CACNA1E: variants seen among roughly 807,000 people sequenced by gnomAD.
The protein encoded by CACNA1E is voltage-dependent R-type calcium channel subunit alpha-1E.
In CACNA1E, 40 loss-of-function variants were observed where a neutral mutation model predicts 259.2. That is an observed-to-expected ratio of 0.15 (90% CI 0.12 to 0.20). The LOEUF (loss-of-function observed/expected upper bound fraction) is 0.20, where lower values mean the gene tolerates loss of function less well. CACNA1E is among the 10% of genes least tolerant of loss of function. The probability of loss-of-function intolerance (pLI) is 1.00; values close to 1 mark genes in which losing one functional copy is unlikely to be tolerated. For synonymous variants in CACNA1E, 1,104 were observed against 1,138.5 expected (o/e 0.97, Z 0.61); for missense variants, 1,874 against 3,040.1 (o/e 0.62, Z 9.02).
At chr1:181,458,824 C>CCCAT (rs57607890) in intron 2 of CACNA1E, among the ~76,000 whole-genome samples, 2,495 of 150,482 alleles carry the variant, frequency 0.017, 36 homozygotes, top group East Asian at 0.065. Flanking sequence ...CATTTATTTA[C>CCCAT]CCATCCATCC....
At chr1:181,678,880 GTAAC>G (rs1649642483) in intron 7 of CACNA1E, among the ~76,000 whole-genome samples, 1 of 152,198 alleles carries the variant, frequency 6.6e-6, no homozygotes, top group Admixed American at 6.5e-5. Context: ...GAGATGTTCA[GTAAC>G]ACATAACTAT....
At chr1:181,526,360 G>A (rs947011674) in intron 3 of CACNA1E, among the ~76,000 whole-genome samples, 1 of 151,366 alleles carries the variant, frequency 6.6e-6, no homozygotes. Context: ...GTTTCTGACC[G>A]TGATGCTACA....
chr1:181,717,363 G>A lies in CACNA1E; in HGVS notation c.1525+61G>A. 1.0e-5 allele frequency: 14 copies of A among 1,388,272 alleles called. No individual in the cohort carries two copies. In the South Asian group the frequency reaches 1.6e-4, roughly 16 times the overall value. 86.0% of individuals were successfully genotyped at this position (1,388,272 alleles called of 1,614,324 possible). On this transcript the variant is annotated intron_variant, in intron 11 of 47. Coordinates refer to ENST00000367573, the MANE Select transcript of CACNA1E (RefSeq NM_001205293.3). ...GTCCCCATGTGGGGCAGCTTGATGT[G>A]TGTGTGAACGCAAGACAGCAAAGCA...
At chr1:181,357,814 C>T (rs1424212258) in intron 1 of CACNA1E, among the ~76,000 whole-genome samples, 1 of 152,106 alleles carries the variant, frequency 6.6e-6, no homozygotes, top group Non-Finnish European at 1.5e-5. Context: ...TTGGTGCCTA[C>T]CCTAGTTGAA....
chr1:181,800,525 G>A lies in CACNA1E; in HGVS notation c.*1691G>A, dbSNP rs1389070131. 6.6e-6 allele frequency: 1 copy of A among 152,642 alleles called. No homozygotes were observed. Among genetic ancestry groups the A allele is most frequent in the East Asian group, 1.9e-4 (1 of 5,194 alleles). 9.5% of individuals were successfully genotyped at this position (152,642 alleles called of 1,614,324 possible). ...TACCTTTCCCTTAAGTTCCTCCTTAGTGCCATCACAGCAGGTGAATGGGTG... is the reference window on the plus strand; with the variant it reads ...TACCTTTCCCTTAAGTTCCTCCTTAATGCCATCACAGCAGGTGAATGGGTG... On this transcript the variant is annotated 3_prime_UTR_variant, in exon 48 of 48. Transcript: ENST00000367573.
chr1:181,381,158 A>G (rs932635056), intron 1 of CACNA1E, among the ~76,000 whole-genome samples: 16 of 148,740 alleles, frequency 1.1e-4, no homozygotes, highest in Non-Finnish European at 2.2e-4. Flanking sequence ...CAAGAGTGAG[A>G]CTCCATCTCA....
chr1:181,745,478 C>T (rs1656992099), intron 25 of CACNA1E: 1 of 349,964 alleles, frequency 2.9e-6, no homozygotes, highest in Non-Finnish European at 5.5e-6. Context: ...ACCAACTAGA[C>T]CCAGATATAA....
chr1:181,691,738 A>T (rs963746429), intron 7 of CACNA1E, among the ~76,000 whole-genome samples: 3 of 152,190 alleles, frequency 2.0e-5, no homozygotes, highest in South Asian at 4.1e-4. Flanking sequence ...AGCTGGAAGC[A>T]TTCCTCTTGA....
intron 2 of CACNA1E, among the ~76,000 whole-genome samples, chr1:181,419,425 T>C (rs1056364875): frequency 6.6e-6 from 1 of 152,212 alleles, no homozygotes; most frequent in African/African-American, 2.4e-5. Flanking sequence ...CTCATTTCAT[T>C]TAGGTTTCTG....
chr1:181,376,073 G>A (rs1022107902), intron 1 of CACNA1E, among the ~76,000 whole-genome samples: 1 of 152,090 alleles, frequency 6.6e-6, no homozygotes, highest in Non-Finnish European at 1.5e-5. Context: ...TTGATCTCTA[G>A]TGCAAGAGTT....
At chr1:181,347,153 T>A (rs754935276) in intron 1 of CACNA1E, among the ~76,000 whole-genome samples, 7 of 152,174 alleles carry the variant, frequency 4.6e-5, no homozygotes, top group Non-Finnish European at 8.8e-5. Context: ...CTTCGAAGAA[T>A]GGCCACCACA....
At chr1:181,494,678 C>T (rs1231994715) in intron 1 of CACNA1E, among the ~76,000 whole-genome samples, 1 of 152,176 alleles carries the variant, frequency 6.6e-6, no homozygotes, top group Non-Finnish European at 1.5e-5. Flanking sequence ...AAGGTCACCA[C>T]CGGTGAGCTT....
At chr1:181,728,371 CAG>C (rs1230852708) in intron 18 of CACNA1E, among the ~76,000 whole-genome samples, 1 of 152,186 alleles carries the variant, frequency 6.6e-6, no homozygotes, top group Admixed American at 6.5e-5. Flanking sequence ...GGGAATTGAG[CAG>C]AGTGTGCATC....
chr1:181,419,115 G>A (rs1442922681), intron 2 of CACNA1E, among the ~76,000 whole-genome samples: 1 of 152,170 alleles, frequency 6.6e-6, no homozygotes, highest in East Asian at 1.9e-4. Context: ...GATTCACAAA[G>A]GATTTAGAAA....
intron 2 of CACNA1E, among the ~76,000 whole-genome samples, chr1:181,455,029 A>G (rs1317665110): frequency 6.6e-6 from 1 of 152,228 alleles, no homozygotes; most frequent in Non-Finnish European, 1.5e-5. Flanking sequence ...TGAGAAAAAT[A>G]GGGCAAGGTG....
intron 1 of CACNA1E, among the ~76,000 whole-genome samples, chr1:181,411,794 G>C (rs1294947208): frequency 6.6e-6 from 1 of 152,214 alleles, no homozygotes; most frequent in Non-Finnish European, 1.5e-5. Flanking sequence ...ATTTTTAGTA[G>C]AGACTAGGTT....
At chr1:181,667,636 A>T (rs748067478) in intron 7 of CACNA1E, among the ~76,000 whole-genome samples, 3 of 152,170 alleles carry the variant, frequency 2.0e-5, no homozygotes, top group Non-Finnish European at 4.4e-5. Flanking sequence ...AAACAGCCAC[A>T]GATAGAGGTT....
At chr1:181,720,084 T>C (rs1654283538) in intron 13 of CACNA1E, 122 bp from the exon 14 acceptor site, 3 of 1,224,128 alleles carry the variant, frequency 2.5e-6, no homozygotes, top group Admixed American at 4.3e-5. Flanking sequence ...TCTGCCCTCT[T>C]TACTTCCTAC....
Position 181,604,706 on chromosome 1 carries a change from A to G in CACNA1E, c.951+23930A>G, listed in dbSNP as rs1291538153. ...CTGTGCTTACTACACACTTTGCCCT[A>G]TTTTAACCTCTGACTGGATCTGATC... On this transcript the variant is annotated intron_variant, in intron 6 of 47. Transcript: ENST00000367573. Among the ~76,000 whole-genome samples the G allele has an allele frequency of 4.6e-5, 7 of 152,196 alleles. No individual in the cohort carries two copies. The East Asian group carries it at 1.3e-3, about 29-fold the overall frequency.
Sources: gnomAD v4.1 joint callset for allele counts (sites outside exome capture counted in the v4.1 genomes callset) on GRCh38, gnomAD v4.1.1 for gene constraint, MANE v1.5 for transcripts, NCBI Gene and HGNC (gene_info 2026-07-23, HGNC 2026-07-21) for gene names.